The following NANOS3 variants were observed in gnomAD, a reference collection of about 807,000 sequenced individuals.
NANOS3 encodes the protein nanos C2HC-type zinc finger 3, also known as nanos homolog 3.
Under a neutral mutation model 13.8 loss-of-function variants are expected in NANOS3, and 11 were observed. That is an observed-to-expected ratio of 0.80 (90% CI 0.50 to 1.32). NANOS3 has a LOEUF of 1.32. Among genes scored for constraint, NANOS3 ranks in the 40% most tolerant of loss-of-function variants. The pLI is 0.00. For synonymous variants in NANOS3, 119 were observed against 115.4 expected, an observed-to-expected ratio of 1.03 and a Z score of -0.20; for missense variants, 221 against 263.8, an observed-to-expected ratio of 0.84 and a Z score of 1.12.
At chr19:13,871,062 C>T (rs965478308) in intron 1 of NANOS3, among the ~76,000 whole-genome samples, 1 of 152,080 alleles carries the variant, frequency 6.6e-6, no homozygotes, top group East Asian at 1.9e-4. Flanking sequence ...CTCAGGGTCA[C>T]AAGCAGGAGG....
intron 1 of NANOS3, among the ~76,000 whole-genome samples, chr19:13,869,368 G>A (rs34274824): frequency 1.3e-5 from 2 of 151,982 alleles, no homozygotes; most frequent in African/African-American, 2.4e-5. Context: ...TCCTGGAGAA[G>A]CCAGAACCTT....
At chr19:13,877,967 G>A (rs988683481) in intron 1 of NANOS3, among the ~76,000 whole-genome samples, 2 of 152,148 alleles carry the variant, frequency 1.3e-5, no homozygotes, top group African/African-American at 4.8e-5. Context: ...GGAGTGCAGT[G>A]GCGCCATCTC....
chr19:13,864,869 C>A (rs1478764003), upstream of NANOS3, among the ~76,000 whole-genome samples: 1 of 152,160 alleles, frequency 6.6e-6, no homozygotes, highest in Non-Finnish European at 1.5e-5. Context: ...CGGCCCGGCA[C>A]GCCCGCACGT....
chr19:13,869,729 C>G (rs918693219), intron 1 of NANOS3, among the ~76,000 whole-genome samples: 2 of 151,676 alleles, frequency 1.3e-5, no homozygotes, highest in African/African-American at 4.8e-5. Flanking sequence ...CTCCCCCACC[C>G]CGTGTCCCCC....
chr19:13,878,907 C>A (rs1006057180), intron 1 of NANOS3, among the ~76,000 whole-genome samples: 8 of 151,970 alleles, frequency 5.3e-5, no homozygotes, highest in African/African-American at 1.9e-4. Flanking sequence ...AGCCACCACG[C>A]CTGGCCCCAG....
At chr19:13,867,710 G>C (rs143805594) in intron 1 of NANOS3, among the ~76,000 whole-genome samples, 18 of 152,030 alleles carry the variant, frequency 1.2e-4, no homozygotes, top group Admixed American at 3.9e-4. Context: ...CAGTAATCTT[G>C]ATATACACAC....
At chr19:13,873,898 G>A (rs566075149), upstream of NANOS3, among the ~76,000 whole-genome samples, 374 of 151,394 alleles carry the variant, frequency 2.5e-3, 1 homozygote, top group Non-Finnish European at 3.9e-3. Flanking sequence ...GTAGGCCTGG[G>A]GGCACCCGGG....
upstream of NANOS3, chr19:13,874,860 A>T (rs199676795): frequency 1.7e-4 from 89 of 525,662 alleles, 1 homozygote; most frequent in Non-Finnish European, 7.5e-5. Context: ...GGAGCCCCCA[A>T]TCCAGCCTGG....
At chr19:13,873,037 C>A (rs12052136), upstream of NANOS3, among the ~76,000 whole-genome samples, 1 of 149,346 alleles carries the variant, frequency 6.7e-6, no homozygotes, top group African/African-American at 2.5e-5. Flanking sequence ...GGGGGCAGGA[C>A]GCAGTCCCGG....
At chr19:13,874,324 C>T (rs969019110), upstream of NANOS3, among the ~76,000 whole-genome samples, 1 of 152,220 alleles carries the variant, frequency 6.6e-6, no homozygotes, top group Non-Finnish European at 1.5e-5. Context: ...GGGCCAGGAT[C>T]CTCCGTTGCC....
At chr19:13,867,521 TCCCAGAGCG>T (rs1379581904) in intron 1 of NANOS3, among the ~76,000 whole-genome samples, 5 of 151,992 alleles carry the variant, frequency 3.3e-5, no homozygotes, top group African/African-American at 1.2e-4. Context: ...CACCTCGGCT[TCCCAGAGCG>T]CCGAGCCACC....
intron 1 of NANOS3, among the ~76,000 whole-genome samples, chr19:13,869,636 G>A (rs893457854): frequency 1.3e-5 from 2 of 151,482 alleles, no homozygotes; most frequent in Non-Finnish European, 2.9e-5. Flanking sequence ...GGCCATCACC[G>A]TGACCCCACG....
chr19:13,878,739 C>T (rs144931470), intron 1 of NANOS3, among the ~76,000 whole-genome samples: 3,751 of 150,824 alleles, frequency 0.025, 142 homozygotes, highest in African/African-American at 0.078. Context: ...CTCAGCCTCC[C>T]GAGTAGCTGG....
intron 1 of NANOS3, among the ~76,000 whole-genome samples, chr19:13,878,453 G>T (rs1016177578): frequency 1.3e-5 from 2 of 151,990 alleles, no homozygotes; most frequent in Non-Finnish European, 2.9e-5. Flanking sequence ...TGGCCAGGCT[G>T]GTCTCGAACT....
chr19:13,862,125 A>G (rs1976167415), upstream of NANOS3: 1 of 152,370 alleles, frequency 6.6e-6, no homozygotes, highest in Non-Finnish European at 1.5e-5. Flanking sequence ...CCAGTTCAGG[A>G]ATGCAGAGGC....
chr19:13,876,589 C>CGA (rs1903679233), upstream of NANOS3, among the ~76,000 whole-genome samples: 1 of 151,970 alleles, frequency 6.6e-6, no homozygotes, highest in African/African-American at 2.4e-5. Flanking sequence ...AGCTGGGGGC[C>CGA]GGGGGGCATG....
chr19:13,872,362 G>A (rs112624242), upstream of NANOS3, among the ~76,000 whole-genome samples: 2 of 134,830 alleles, frequency 1.5e-5, no homozygotes, highest in African/African-American at 2.7e-5. Flanking sequence ...AAAAAAAAAA[G>A]AGAGAGAGAG....
At chr19:13,871,865 GCCAGGCACCTGTGAT>G (rs1394009399) in intron 1 of NANOS3, among the ~76,000 whole-genome samples, 2 of 151,852 alleles carry the variant, frequency 1.3e-5, no homozygotes, top group Non-Finnish European at 2.9e-5. Context: ...AGTTAGCCAG[GCCAGGCACCTGTGAT>G]CCCAGCTACT....
upstream of NANOS3, among the ~76,000 whole-genome samples, chr19:13,863,556 G>T (rs569669776): frequency 1.3e-5 from 2 of 151,994 alleles, no homozygotes; most frequent in African/African-American, 2.4e-5. Context: ...TGGCCGGCAG[G>T]GGGGCGGGCG....
Sources: allele counts gnomAD v4.1 joint callset (sites outside exome capture counted in the v4.1 genomes callset), GRCh38; gene constraint gnomAD v4.1.1; transcripts MANE v1.5; gene names NCBI Gene and HGNC (gene_info 2026-07-23, HGNC 2026-07-21).